EPHA5: variants seen among roughly 807,000 people sequenced by gnomAD.
EPHA5 encodes the protein ephrin type-A receptor 5.
A neutral mutation model predicts 105.0 loss-of-function variants in EPHA5; 60 were observed. The ratio of observed to expected loss-of-function variants is 0.57; its 90% confidence interval spans 0.46 to 0.71. EPHA5 has a LOEUF of 0.71. EPHA5 is among the 30% of genes least tolerant of loss of function. EPHA5 has a pLI of 0.00. For missense variants in EPHA5, 1,218 were observed against 1,274.7 expected (o/e 0.96, Z 0.68); for synonymous variants, 513 against 449.1 (o/e 1.14, Z -1.80).
chr4:65,341,321 G>T (rs1260939812), intron 14 of EPHA5, among the ~76,000 whole-genome samples: 1 of 151,978 alleles, frequency 6.6e-6, no homozygotes, highest in East Asian at 1.9e-4. Flanking sequence ...AGTGGGGGTG[G>T]CAGGATTCAC....
At chr4:65,605,859 G>A (rs1388037921) in intron 2 of EPHA5, among the ~76,000 whole-genome samples, 1 of 152,000 alleles carries the variant, frequency 6.6e-6, no homozygotes, top group Non-Finnish European at 1.5e-5. Context: ...TCTGTAATGA[G>A]AATGAAAGCT....
chr4:65,668,741 G>A (rs187827829), intron 1 of EPHA5, among the ~76,000 whole-genome samples: 166 of 152,188 alleles, frequency 1.1e-3, no homozygotes, highest in African/African-American at 3.7e-3. Flanking sequence ...GGGTAGGGAG[G>A]GGGACTGGGT....
chr4:65,464,873 TC>T (rs1280934896), intron 5 of EPHA5, among the ~76,000 whole-genome samples: 1 of 152,116 alleles, frequency 6.6e-6, no homozygotes, highest in Non-Finnish European at 1.5e-5. Context: ...ATTTATTTAT[TC>T]ATTTAAAATA....
chr4:65,539,953 A>AT (rs1392619297), intron 3 of EPHA5, among the ~76,000 whole-genome samples: 1 of 151,498 alleles, frequency 6.6e-6, no homozygotes, highest in African/African-American at 2.4e-5. Context: ...CTAAAAAATG[A>AT]TTTTGGAAAG....
At chr4:65,492,024 G>A (rs1451067211) in intron 4 of EPHA5, among the ~76,000 whole-genome samples, 1 of 152,056 alleles carries the variant, frequency 6.6e-6, no homozygotes, top group African/African-American at 2.4e-5. Context: ...GTAGTTGAAT[G>A]GTTCATAAGC....
intron 5 of EPHA5, among the ~76,000 whole-genome samples, chr4:65,485,657 A>G (rs1730811041): frequency 6.6e-6 from 1 of 152,192 alleles, no homozygotes. Flanking sequence ...CAAAATTTTC[A>G]ACTTGAACAC....
intron 8 of EPHA5, among the ~76,000 whole-genome samples, chr4:65,372,932 C>T (rs1467106954): frequency 6.6e-6 from 1 of 151,834 alleles, no homozygotes; most frequent in Non-Finnish European, 1.5e-5. Context: ...TGAACAATTT[C>T]AAATTCTTCA....
At chr4:65,606,395 T>C (rs1288985711) in intron 2 of EPHA5, among the ~76,000 whole-genome samples, 2 of 152,196 alleles carry the variant, frequency 1.3e-5, no homozygotes, top group Non-Finnish European at 2.9e-5. Context: ...ATTGAATAAA[T>C]AGTTAAATGT....
intron 3 of EPHA5, among the ~76,000 whole-genome samples, chr4:65,535,010 T>C (rs1736158522): frequency 6.6e-6 from 1 of 152,172 alleles, no homozygotes; most frequent in Non-Finnish European, 1.5e-5. Context: ...AATCCTAAAT[T>C]TACTCACTCA....
chr4:65,575,938 C>A (rs1422857699), intron 3 of EPHA5, among the ~76,000 whole-genome samples: 2 of 148,306 alleles, frequency 1.3e-5, no homozygotes, highest in Admixed American at 1.4e-4. Context: ...GACCGTGCCA[C>A]TGCACTGCAG....
chr4:65,573,488 T>A (rs1427260743), intron 3 of EPHA5: 4 of 1,552,432 alleles, frequency 2.6e-6, no homozygotes, highest in Non-Finnish European at 3.5e-6. Flanking sequence ...AGAAGCCAGA[T>A]ACTAAAGAGA....
chr4:65,544,654 G>T (rs544001161), intron 3 of EPHA5, among the ~76,000 whole-genome samples: 6 of 152,100 alleles, frequency 3.9e-5, no homozygotes, highest in Non-Finnish European at 7.4e-5. Context: ...TCAACATTGT[G>T]GAAGACAGTG....
chr4:65,649,162 T>C (rs919784184), intron 1 of EPHA5, among the ~76,000 whole-genome samples: 1 of 152,216 alleles, frequency 6.6e-6, no homozygotes, highest in East Asian at 1.9e-4. Flanking sequence ...AATAACTTGG[T>C]GAATGCTTAC....
rs189217074 is a variant in EPHA5 at position 65,323,112 on chromosome 4, G to A, written c.*1002C>T. 1 of 228,572 alleles carries A rather than the reference G, an allele frequency of 4.4e-6. No homozygotes were observed. Among genetic ancestry groups the A allele is most frequent in the East Asian group, 6.2e-5 (1 of 16,144 alleles). The allele number at this position is 228,572 out of a possible 1,614,324, so 14.2% of individuals were successfully genotyped here. On this transcript the variant is annotated 3_prime_UTR_variant, in exon 17 of 17. Coordinates refer to ENST00000613740, the MANE Select transcript of EPHA5 (RefSeq NM_001281766.3). ...TTCTTACAGGGGTACAAGATTAATG[G>A]CTAGAAGAACTGCATTGTCACTGAT...
chr4:65,633,530 G>T (rs1746838071), intron 2 of EPHA5, among the ~76,000 whole-genome samples: 1 of 151,784 alleles, frequency 6.6e-6, no homozygotes, highest in Non-Finnish European at 1.5e-5. Flanking sequence ...CTCACATACG[G>T]AAACTGGTGC....
chr4:65,539,490 C>T (rs1170852953), intron 3 of EPHA5, among the ~76,000 whole-genome samples: 3 of 151,400 alleles, frequency 2.0e-5, no homozygotes, highest in Non-Finnish European at 3.0e-5. Flanking sequence ...GCCAAAATTC[C>T]GTTTGATTCT....
chr4:65,524,665 A>G (rs186165835), intron 3 of EPHA5, among the ~76,000 whole-genome samples: 394 of 151,972 alleles, frequency 2.6e-3, no homozygotes, highest in African/African-American at 8.9e-3. Flanking sequence ...AATATTTGCA[A>G]GTGCATACAT....
intron 4 of EPHA5, 115 bp downstream of exon 4, chr4:65,495,273 T>C (rs1731808532): frequency 8.5e-7 from 1 of 1,170,386 alleles, no homozygotes; most frequent in Admixed American, 2.4e-5. Context: ...TAGAGATGAT[T>C]AAACATTATG....
At chr4:65,432,481 G>T (rs545064521) in intron 5 of EPHA5, among the ~76,000 whole-genome samples, 2 of 152,240 alleles carry the variant, frequency 1.3e-5, no homozygotes, top group African/African-American at 4.8e-5. Flanking sequence ...TGAAACCTTT[G>T]TTGAAAATCA....
Sources: gnomAD v4.1 joint callset for allele counts (sites outside exome capture counted in the v4.1 genomes callset) on GRCh38, gnomAD v4.1.1 for gene constraint, MANE v1.5 for transcripts, NCBI Gene and HGNC (gene_info 2026-07-23, HGNC 2026-07-21) for gene names.